The following GALNT16 variants were observed in gnomAD, a reference collection of about 807,000 sequenced individuals.
The protein encoded by GALNT16 is UDP-GalNAc:polypeptide N-acetylgalactosaminyltransferase-like protein 1.
A neutral mutation model predicts 76.1 loss-of-function variants in GALNT16; 40 were observed. That is an observed-to-expected ratio of 0.53 (90% CI 0.41 to 0.68). The LOEUF (loss-of-function observed/expected upper bound fraction) is 0.68, where lower values mean the gene tolerates loss of function less well. Ranked by LOEUF, GALNT16 falls within the 30% of genes least tolerant of loss-of-function variation. The pLI, the probability that GALNT16 is intolerant of heterozygous loss-of-function variation, is 0.00. For missense variants in GALNT16, 621 were observed against 731.9 expected, an observed-to-expected ratio of 0.85 and a Z score of 1.75; for synonymous variants, 276 against 285.2, an observed-to-expected ratio of 0.97 and a Z score of 0.32.
At chr14:69,346,883 C>G (rs999188467) in intron 12 of GALNT16, among the ~76,000 whole-genome samples, 157 bp from the exon 13 acceptor site, 3 of 152,190 alleles carry the variant, frequency 2.0e-5, no homozygotes, top group African/African-American at 7.2e-5. Context: ...GAGGCCACTC[C>G]TGCTCCTCAC....
rs1474808075 is a variant in GALNT16, at chr14:69,286,113, CA to C, written c.177+25647del. On this transcript the variant is annotated intron_variant, in intron 1 of 14. Coordinates refer to ENST00000448469, the MANE Select transcript of GALNT16 (RefSeq NM_001168368.2). ...CCCAGCCTGGGCAACTCACTGTGGC[CA>C]GGTGCTCAGAACCACAGGGCGCAGA... is the stretch of plus-strand genomic sequence containing the variant. 3.3e-5 allele frequency among the ~76,000 whole-genome samples: 5 copies of C among 152,192 alleles called. No homozygotes were observed. The East Asian group carries it at 9.7e-4, about 30-fold the overall frequency.
intron 1 of GALNT16, chr14:69,298,637 A>C (rs1460004987): frequency 6.6e-6 from 1 of 152,282 alleles, no homozygotes; most frequent in African/African-American, 2.4e-5. Context: ...CTGGAGCGGA[A>C]GGCTGGCTGC....
intron 1 of GALNT16, among the ~76,000 whole-genome samples, chr14:69,267,541 T>C (rs535031894): frequency 6.6e-6 from 1 of 152,336 alleles, no homozygotes; most frequent in African/African-American, 2.4e-5. Flanking sequence ...GATGACTTTG[T>C]CTCAGAGTTC....
chr14:69,286,290 T>C (rs181480817), intron 1 of GALNT16, among the ~76,000 whole-genome samples: 219 of 149,106 alleles, frequency 1.5e-3, no homozygotes, highest in Middle Eastern at 6.9e-3. Context: ...CTTACCAAAA[T>C]TCATCCAAAG....
intron 1 of GALNT16, among the ~76,000 whole-genome samples, chr14:69,295,926 G>C: frequency 6.6e-6 from 1 of 152,028 alleles, no homozygotes; most frequent in East Asian, 1.9e-4. Flanking sequence ...TCCAACCACC[G>C]TTTTGTTCAT....
chr14:69,363,378 A>G, the GALNT16 span, among the ~76,000 whole-genome samples: 3 of 152,216 alleles, frequency 2.0e-5, no homozygotes, highest in Non-Finnish European at 4.4e-5. Context: ...GAGGAGAAAG[A>G]GAAGAGGCTG....
chr14:69,349,384 C>G (rs1266196805), intron 14 of GALNT16: 1 of 152,176 alleles, frequency 6.6e-6, no homozygotes, highest in Non-Finnish European at 1.5e-5. Context: ...ACCCAGCCTA[C>G]GGGGTGTGTA....
the GALNT16 span, among the ~76,000 whole-genome samples, chr14:69,363,845 C>T: frequency 1.3e-5 from 2 of 152,300 alleles, no homozygotes; most frequent in South Asian, 2.1e-4. Context: ...ATAGAGGAAT[C>T]CTGTCAGGGA....
At chr14:69,380,696 T>A in the GALNT16 span, 1 of 972,594 alleles carries the variant, frequency 1.0e-6, no homozygotes. Flanking sequence ...GCCAGGTGTT[T>A]AAATCCCCAA....
chr14:69,339,730 C>G (rs1430169640), intron 11 of GALNT16, 111 bp downstream of exon 11: 1 of 646,774 alleles, frequency 1.5e-6, no homozygotes, highest in Non-Finnish European at 2.7e-6. Flanking sequence ...TCCCCAGCCA[C>G]TGAGGTCCCA....
intron 12 of GALNT16, among the ~76,000 whole-genome samples, chr14:69,345,218 G>C (rs958166581): frequency 6.6e-6 from 1 of 152,158 alleles, no homozygotes; most frequent in Admixed American, 6.5e-5. Context: ...CAACCACCAC[G>C]CTATGCAGGT....
At chr14:69,366,858 C>G in the GALNT16 span, among the ~76,000 whole-genome samples, 270 of 152,266 alleles carry the variant, frequency 1.8e-3, 1 homozygote, top group African/African-American at 5.6e-3. Context: ...CTTCAAAGAG[C>G]AGAGATGATT....
chr14:69,357,039 C>T (rs917819768), downstream of GALNT16: 1 of 152,172 alleles, frequency 6.6e-6, no homozygotes, highest in Admixed American at 6.5e-5. Flanking sequence ...TGCTACATGC[C>T]AAACACTTTG....
chr14:69,314,751 A>C (rs1373654255), intron 1 of GALNT16, among the ~76,000 whole-genome samples: 1 of 152,160 alleles, frequency 6.6e-6, no homozygotes, highest in East Asian at 1.9e-4. Flanking sequence ...ATCAGGTAAG[A>C]TTTTACTCCC....
At chr14:69,366,287 G>A in the GALNT16 span, among the ~76,000 whole-genome samples, 4 of 152,052 alleles carry the variant, frequency 2.6e-5, no homozygotes, top group Admixed American at 2.6e-4. Context: ...ATCCATGATG[G>A]CCCCCTCCCT....
intron 6 of GALNT16, 33 bp downstream of exon 6, chr14:69,328,604 T>C: frequency 6.2e-7 from 1 of 1,600,614 alleles, no homozygotes; most frequent in Non-Finnish European, 8.5e-7. Context: ...CTGGGCGTCC[T>C]TGGGGACTCA....
intron 1 of GALNT16, among the ~76,000 whole-genome samples, chr14:69,315,821 T>A (rs2045091406): frequency 6.6e-6 from 1 of 152,044 alleles, no homozygotes; most frequent in African/African-American, 2.4e-5. Flanking sequence ...AAAAAAAAAA[T>A]ATGTAGGTAG....
chr14:69,322,925 GGTGT>G (rs766188989), intron 2 of GALNT16, among the ~76,000 whole-genome samples: 3,796 of 103,748 alleles, frequency 0.037, 142 homozygotes, highest in Middle Eastern at 0.055. Context: ...TGGCTCACGG[GGTGT>G]GTGTGTGTGT....
intron 1 of GALNT16, among the ~76,000 whole-genome samples, chr14:69,302,335 G>T (rs1020729707): frequency 5.9e-5 from 9 of 151,994 alleles, no homozygotes; most frequent in African/African-American, 2.2e-4. Flanking sequence ...TTTAAAAAAA[G>T]ATTTCTCCAG....
Sources: gnomAD v4.1 joint callset for allele counts (sites outside exome capture counted in the v4.1 genomes callset) on GRCh38, gnomAD v4.1.1 for gene constraint, MANE v1.5 for transcripts, NCBI Gene and HGNC (gene_info 2026-07-23, HGNC 2026-07-21) for gene names.